Variants in EPB41L2 observed in about 807,000 individuals in gnomAD.
The protein encoded by EPB41L2 is band 4.1-like protein 2.
In EPB41L2, 43 loss-of-function variants were observed where a neutral mutation model predicts 113.0. The observed-to-expected ratio is 0.38, with a 90% confidence interval of 0.30 to 0.49. EPB41L2 has a LOEUF of 0.49. Ranked by LOEUF, EPB41L2 falls within the 20% of genes least tolerant of loss-of-function variation. EPB41L2 has a pLI of 0.95. For synonymous variants in EPB41L2, 442 were observed against 436.7 expected, an observed-to-expected ratio of 1.01 and a Z score of -0.15; for missense variants, 1,147 against 1,223.4, an observed-to-expected ratio of 0.94 and a Z score of 0.93.
chr6:131,002,137 CAA>C (rs1784490612), intron 1 of EPB41L2, among the ~76,000 whole-genome samples: 1 of 152,186 alleles, frequency 6.6e-6, no homozygotes, highest in Non-Finnish European at 1.5e-5. Flanking sequence ...CCTGTTGATT[CAA>C]AGTGTGCCAA....
chr6:130,975,161 C>T (rs1373722800), intron 1 of EPB41L2, among the ~76,000 whole-genome samples: 1 of 152,126 alleles, frequency 6.6e-6, no homozygotes, highest in Non-Finnish European at 1.5e-5. Context: ...GAAACATCTA[C>T]AAATGTCTTA....
intron 7 of EPB41L2, among the ~76,000 whole-genome samples, 198 bp downstream of exon 7, chr6:130,900,764 T>C (rs1177464692): frequency 6.6e-6 from 1 of 152,196 alleles, no homozygotes; most frequent in Non-Finnish European, 1.5e-5. Flanking sequence ...CTTACAAGTA[T>C]AGTTTCTCAG....
At chr6:130,966,095 G>C (rs1192558234) in intron 1 of EPB41L2, among the ~76,000 whole-genome samples, 1 of 152,176 alleles carries the variant, frequency 6.6e-6, no homozygotes, top group Non-Finnish European at 1.5e-5. Flanking sequence ...GTGTTGGGCA[G>C]GATTCAAAGC....
chr6:130,999,534 T>C (rs750804328), intron 1 of EPB41L2, among the ~76,000 whole-genome samples: 9 of 152,218 alleles, frequency 5.9e-5, no homozygotes, highest in Non-Finnish European at 1.0e-4. Context: ...AAATCTCATG[T>C]CGTCTTTTAA....
At chr6:130,844,771 G>A (rs939761797) in intron 19 of EPB41L2, among the ~76,000 whole-genome samples, 2 of 152,044 alleles carry the variant, frequency 1.3e-5, no homozygotes, top group Non-Finnish European at 2.9e-5. Flanking sequence ...AGCTGGGCAC[G>A]GTGGTTCACT....
intron 4 of EPB41L2, among the ~76,000 whole-genome samples, chr6:130,910,330 C>A (rs77569091): frequency 1.6e-4 from 25 of 151,952 alleles, no homozygotes; most frequent in Non-Finnish European, 2.2e-4. Context: ...AGCCATATGC[C>A]GAAAACTGAA....
At chr6:131,016,477 A>AACACAC (rs10584309) in intron 1 of EPB41L2, among the ~76,000 whole-genome samples, 10,987 of 143,378 alleles carry the variant, frequency 0.077, 503 homozygotes, top group South Asian at 0.11. Flanking sequence ...TTAATAAGGA[A>AACACAC]ACACACACAC....
chr6:130,912,691 G>A (rs2128519975), intron 4 of EPB41L2, among the ~76,000 whole-genome samples: 1 of 152,238 alleles, frequency 6.6e-6, no homozygotes, highest in South Asian at 2.1e-4. Flanking sequence ...TGCATGCACT[G>A]CAGCTGCTGT....
intron 19 of EPB41L2, among the ~76,000 whole-genome samples, chr6:130,843,821 G>T (rs2128395653): frequency 6.6e-6 from 1 of 152,190 alleles, no homozygotes; most frequent in East Asian, 1.9e-4. Context: ...CTATGTTCAA[G>T]TTCTTCAAGG....
intron 1 of EPB41L2, among the ~76,000 whole-genome samples, chr6:130,989,339 T>C (rs946141601): frequency 2.0e-5 from 3 of 152,196 alleles, no homozygotes; most frequent in African/African-American, 7.2e-5. Flanking sequence ...CTGTATAATG[T>C]TTAAAATAAA....
intron 1 of EPB41L2, among the ~76,000 whole-genome samples, chr6:131,002,363 A>C (rs1191275845): frequency 6.6e-6 from 1 of 152,196 alleles, no homozygotes; most frequent in East Asian, 1.9e-4. Context: ...GAGAAGAAAG[A>C]AGGGGAATGG....
intron 1 of EPB41L2, among the ~76,000 whole-genome samples, chr6:131,049,340 T>A (rs940765466): frequency 6.6e-6 from 1 of 152,236 alleles, no homozygotes; most frequent in East Asian, 1.9e-4. Flanking sequence ...ATGGATAAAT[T>A]TGATTTCTTT....
chr6:130,863,567 G>A (rs1255967906), intron 18 of EPB41L2, 71 bp downstream of exon 18: 11 of 1,095,164 alleles, frequency 1.0e-5, no homozygotes, highest in African/African-American at 1.6e-5. Flanking sequence ...ACAGGTATGC[G>A]ACATGATGAC....
intron 1 of EPB41L2, among the ~76,000 whole-genome samples, chr6:130,991,554 A>C (rs1781872652): frequency 6.6e-6 from 1 of 152,220 alleles, no homozygotes; most frequent in South Asian, 2.1e-4. Flanking sequence ...TTCACACTCA[A>C]AACACATTCG....
chr6:131,009,815 A>C (rs1036874821), intron 1 of EPB41L2, among the ~76,000 whole-genome samples: 2 of 152,218 alleles, frequency 1.3e-5, no homozygotes, highest in African/African-American at 4.8e-5. Context: ...CTTTTATGAA[A>C]ATGTTTGGTA....
chr6:130,886,151 A>G (rs1435691096), intron 11 of EPB41L2, among the ~76,000 whole-genome samples: 1 of 152,218 alleles, frequency 6.6e-6, no homozygotes, highest in African/African-American at 2.4e-5. Flanking sequence ...CTCTGGTTCC[A>G]TGTCCTAAGG....
rs1407988566 is a variant in EPB41L2, at chr6:130,875,216, T to C, written c.2043+2888A>G. ...CTACCAATTAACAGAATCTACTTTG[T>C]GGAAGGGAATCACTGTTTCCTTATT... On this transcript the variant is annotated intron_variant, in intron 14 of 19. Transcript: ENST00000337057. 2.6e-5 allele frequency among the ~76,000 whole-genome samples: 4 copies of C among 152,332 alleles called. No homozygotes were observed. In the East Asian group the frequency reaches 7.7e-4, roughly 29 times the overall value.
chr6:131,035,146 C>T (rs777034764), intron 1 of EPB41L2, among the ~76,000 whole-genome samples: 1 of 152,176 alleles, frequency 6.6e-6, no homozygotes, highest in Non-Finnish European at 1.5e-5. Context: ...ACCAATCTTA[C>T]ACGGAAAGGT....
At chr6:130,862,559 G>A (rs1048669879) in intron 18 of EPB41L2, among the ~76,000 whole-genome samples, 1 of 152,188 alleles carries the variant, frequency 6.6e-6, no homozygotes, top group African/African-American at 2.4e-5. Context: ...ATGGTAAGCA[G>A]ACAAGTGTAC....
Sources: allele counts gnomAD v4.1 joint callset (sites outside exome capture counted in the v4.1 genomes callset), GRCh38; gene constraint gnomAD v4.1.1; transcripts MANE v1.5; gene names NCBI Gene and HGNC (gene_info 2026-07-23, HGNC 2026-07-21).